DMRT1: variants seen among roughly 807,000 people sequenced by gnomAD.
DMRT1 encodes doublesex and mab-3 related transcription factor 1, also known as doublesex- and mab-3-related transcription factor 1.
A neutral mutation model predicts 32.3 loss-of-function variants in DMRT1; 7 were observed. The ratio of observed to expected loss-of-function variants is 0.22; its 90% CI spans 0.12 to 0.41. The LOEUF (loss-of-function observed/expected upper bound fraction) is 0.41, where lower values mean the gene tolerates loss of function less well. Among genes scored for constraint, DMRT1 ranks in the 10% least tolerant of loss-of-function variants. DMRT1 has a pLI of 1.00. For missense variants in DMRT1, 625 were observed against 500.5 expected (o/e 1.25, Z -2.37); for synonymous variants, 278 against 206.1 (o/e 1.35, Z -2.99).
rs1220800022 is a variant in DMRT1, at chr9:847,017, C to T, written c.412C>T (p.Pro138Ser). The part of the protein sequence containing the change: ...EEELGISHPI[P>S]LPSAAELLVK... ...GGAATTGGGTATCAGCCACCCCATC[C>T]CACTGCCCAGTGCGGCCGAGCTGCT... is the stretch of plus-strand genomic sequence containing the variant. Residue 138 changes from proline (P) to serine (S), a missense_variant, in exon 2 of 5, where the codon CCA becomes TCA. Pro to Ser is a moderately conservative substitution (Grantham distance 74, BLOSUM62 -1). Around this residue, in one of 3 missense-constraint regions of DMRT1, gnomAD observed 416 missense variants for 321.6 expected, o/e 1.29. Transcript: ENST00000382276. 2 of 1,614,052 alleles carry T rather than the reference C, an allele frequency of 1.2e-6. No homozygotes were observed. The highest frequency in any genetic ancestry group is 1.1e-5 in the South Asian group (1 of 91,086).
intron 2 of DMRT1, among the ~76,000 whole-genome samples, chr9:883,465 G>A (rs111669684): frequency 9.9e-5 from 15 of 151,958 alleles, no homozygotes; most frequent in African/African-American, 3.4e-4. Context: ...GAATGACACA[G>A]CCTTTTAAAA....
At chr9:858,868 AAAATATATAT>A (rs1311079630) in intron 2 of DMRT1, among the ~76,000 whole-genome samples, 53 of 17,174 alleles carry the variant, frequency 3.1e-3, no homozygotes, top group Admixed American at 0.017. Flanking sequence ...AAAAAAAAAA[AAAATATATAT>A]ATATATATAT....
intron 2 of DMRT1, among the ~76,000 whole-genome samples, chr9:849,778 A>G (rs1839059669): frequency 7.8e-6 from 1 of 127,420 alleles, no homozygotes; most frequent in Non-Finnish European, 1.7e-5. Flanking sequence ...GTGGGCAAGT[A>G]TGGCTCCGGG....
intron 4 of DMRT1, among the ~76,000 whole-genome samples, chr9:967,690 A>G (rs1819973264): frequency 6.6e-6 from 1 of 152,218 alleles, no homozygotes; most frequent in Non-Finnish European, 1.5e-5. Flanking sequence ...ATAGTTTCCC[A>G]AAGAGGATGC....
intron 2 of DMRT1, among the ~76,000 whole-genome samples, chr9:855,842 C>A (rs1815376505): frequency 1.3e-5 from 2 of 152,188 alleles, no homozygotes; most frequent in Admixed American, 1.3e-4. Context: ...TGGTCTCAAA[C>A]TCCTGGGCTC....
intron 2 of DMRT1, among the ~76,000 whole-genome samples, chr9:859,982 G>C (rs1026939110): frequency 6.6e-6 from 1 of 152,150 alleles, no homozygotes; most frequent in African/African-American, 2.4e-5. Flanking sequence ...GTTAACTCTA[G>C]TCCTGAGGTT....
intron 4 of DMRT1, among the ~76,000 whole-genome samples, chr9:937,939 G>T (rs1290270394): frequency 1.3e-5 from 2 of 151,824 alleles, no homozygotes; most frequent in Non-Finnish European, 2.9e-5. Context: ...AGGTTATAAA[G>T]ATTTATTTTT....
intron 3 of DMRT1, among the ~76,000 whole-genome samples, chr9:902,538 G>A (rs1817628205): frequency 6.6e-6 from 1 of 150,566 alleles, no homozygotes; most frequent in African/African-American, 2.5e-5. Context: ...CCAGGCTGGA[G>A]TACACCAATG....
At chr9:945,826 G>T (rs532861666) in intron 4 of DMRT1, among the ~76,000 whole-genome samples, 1 of 148,670 alleles carries the variant, frequency 6.7e-6, no homozygotes, top group Non-Finnish European at 1.5e-5. Context: ...TTTAACAGTT[G>T]CCTCAAGAGC....
intron 2 of DMRT1, among the ~76,000 whole-genome samples, chr9:887,425 C>A (rs1816974631): frequency 6.6e-6 from 1 of 152,174 alleles, no homozygotes; most frequent in African/African-American, 2.4e-5. Flanking sequence ...TCTGCTACTC[C>A]CTTGCTCTGA....
At chr9:858,767 G>C (rs536636591) in intron 2 of DMRT1, among the ~76,000 whole-genome samples, 9 of 151,078 alleles carry the variant, frequency 6.0e-5, no homozygotes, top group Non-Finnish European at 1.2e-4. Flanking sequence ...CCAACTACTT[G>C]TGAGGCTAAG....
chr9:895,794 A>C (rs1337930961), intron 3 of DMRT1, among the ~76,000 whole-genome samples: 1 of 149,696 alleles, frequency 6.7e-6, no homozygotes, highest in Non-Finnish European at 1.5e-5. Context: ...TCATCTTATA[A>C]CTGAAACTTT....
chr9:892,076 A>C (rs1374904996), intron 2 of DMRT1, among the ~76,000 whole-genome samples: 1 of 152,114 alleles, frequency 6.6e-6, no homozygotes, highest in Admixed American at 6.5e-5. Flanking sequence ...GCTCTCTTGC[A>C]GGCCTGCATC....
intron 2 of DMRT1, among the ~76,000 whole-genome samples, chr9:880,941 A>G (rs1357279980): frequency 1.3e-5 from 2 of 152,092 alleles, no homozygotes; most frequent in East Asian, 1.9e-4. Flanking sequence ...CTCCAACCAC[A>G]TTTTGACAGC....
At chr9:913,964 C>T (rs939446873) in intron 3 of DMRT1, among the ~76,000 whole-genome samples, 5 of 152,082 alleles carry the variant, frequency 3.3e-5, no homozygotes, top group East Asian at 1.9e-4. Flanking sequence ...GGAAGGATCA[C>T]GTATTCTAGT....
intron 4 of DMRT1, among the ~76,000 whole-genome samples, chr9:949,115 C>T (rs1252440639): frequency 2.0e-5 from 3 of 151,802 alleles, no homozygotes; most frequent in Non-Finnish European, 4.4e-5. Context: ...AAAACAAAAA[C>T]ACACACTTGC....
intron 2 of DMRT1, among the ~76,000 whole-genome samples, chr9:872,004 T>A (rs1383498371): frequency 6.6e-6 from 1 of 151,474 alleles, no homozygotes; most frequent in East Asian, 1.9e-4. Context: ...GCAGACTTTA[T>A]ATTATTTGAG....
At position 930,640 on chromosome 9, in the gene DMRT1, C is replaced by T. The variant is rs1036504651; in HGVS notation, c.967+13733C>T. Among the ~76,000 whole-genome samples the T allele has an allele frequency of 2.0e-5, 3 of 151,988 alleles. No individual in the cohort carries two copies. The South Asian group carries it at 6.2e-4, about 32-fold the overall frequency. On this transcript the variant is annotated intron_variant, in intron 4 of 4. Coordinates refer to ENST00000382276, the MANE Select transcript of DMRT1 (RefSeq NM_021951.3). ...AGCCAGGATGGTCTCGATCTCCTGA[C>T]CTCGTGATCTGCCTGCCTCAGCTTC...
Position 929,853 on chromosome 9 carries a change from G to C in DMRT1, c.967+12946G>C, listed in dbSNP as rs115187182. Among the ~76,000 whole-genome samples, 480 of 152,212 alleles carry C rather than the reference G, an allele frequency of 3.2e-3. 4 individuals are homozygous for C. The highest frequency in any genetic ancestry group is 0.011 in the African/African-American group (443 of 41,536). On this transcript the variant is annotated intron_variant, in intron 4 of 4. Transcript: ENST00000382276. ...TGAGAAATTCATTGAGTGCCAGTTA[G>C]TGTCTGGGCCTAGCATAATGCTCTG...
Sources: allele counts gnomAD v4.1 joint callset (sites outside exome capture counted in the v4.1 genomes callset), GRCh38; gene constraint gnomAD v4.1.1; regional missense constraint gnomAD v4.1.1; transcripts MANE v1.5; gene names NCBI Gene and HGNC (gene_info 2026-07-23, HGNC 2026-07-21).